Variants in ANXA4 observed in about 807,000 individuals in gnomAD.
ANXA4 encodes the protein 35-beta calcimedin.
Under a neutral mutation model 49.8 loss-of-function variants are expected in ANXA4, and 39 were observed. The ratio of observed to expected loss-of-function variants is 0.78; its 90% CI spans 0.61 to 1.02. ANXA4 has a LOEUF of 1.02. Among genes scored for constraint, ANXA4 ranks in the 50% least tolerant of loss-of-function variants. The pLI is 0.00. For missense variants in ANXA4, 360 were observed against 410.1 expected (o/e 0.88, Z 1.05); for synonymous variants, 134 against 152.5 (o/e 0.88, Z 0.89).
intron 2 of ANXA4, among the ~76,000 whole-genome samples, chr2:69,784,913 G>T (rs114709257): frequency 6.6e-6 from 1 of 152,240 alleles, no homozygotes; most frequent in East Asian, 1.9e-4. Flanking sequence ...GACACCAGTC[G>T]TATTGGATTA....
chr2:69,680,064 G>C (rs1488940217), intron 2 of ANXA4, among the ~76,000 whole-genome samples: 1 of 152,042 alleles, frequency 6.6e-6, no homozygotes, highest in Non-Finnish European at 1.5e-5. Context: ...CTTTTCATAG[G>C]AGTTGCATTG....
At chr2:69,658,249 A>T (rs1381642641) in intron 2 of ANXA4, among the ~76,000 whole-genome samples, 1 of 151,910 alleles carries the variant, frequency 6.6e-6, no homozygotes, top group African/African-American at 2.4e-5. Context: ...AATACAAAAA[A>T]ATTAGCTTGG....
intron 2 of ANXA4, among the ~76,000 whole-genome samples, chr2:69,782,418 G>T (rs1455213717): frequency 1.3e-5 from 2 of 152,096 alleles, no homozygotes; most frequent in Non-Finnish European, 2.9e-5. Flanking sequence ...ACAGTCAAAG[G>T]CTTATTCATG....
At chr2:69,802,766 G>A (rs1347353278) in intron 3 of ANXA4, among the ~76,000 whole-genome samples, 2 of 152,068 alleles carry the variant, frequency 1.3e-5, no homozygotes, top group Non-Finnish European at 2.9e-5. Context: ...CTTGACTGGG[G>A]GGAAGAGTGA....
At chr2:69,823,094 T>C (rs1234631427) in intron 12 of ANXA4, among the ~76,000 whole-genome samples, 2 of 149,354 alleles carry the variant, frequency 1.3e-5, no homozygotes, top group Non-Finnish European at 3.0e-5. Context: ...TATTATATAT[T>C]GTTATTACTA....
chr2:69,753,244 T>G (rs1489174742), intron 1 of ANXA4, among the ~76,000 whole-genome samples: 1 of 152,204 alleles, frequency 6.6e-6, no homozygotes, highest in Admixed American at 6.5e-5. Flanking sequence ...TATGAGTGCC[T>G]GCACACATAG....
chr2:69,658,324 T>A (rs991656364), intron 2 of ANXA4, among the ~76,000 whole-genome samples: 6 of 144,518 alleles, frequency 4.2e-5, no homozygotes, highest in Admixed American at 7.4e-5. Flanking sequence ...TGCTTGAGCC[T>A]GGGAGGCAGA....
At chr2:69,754,106 T>C (rs141228337) in intron 1 of ANXA4, among the ~76,000 whole-genome samples, 75 of 152,376 alleles carry the variant, frequency 4.9e-4, no homozygotes, top group African/African-American at 1.8e-3. Context: ...GAGTAATGCA[T>C]GTTTGCAGTG....
chr2:69,796,883 G>A (rs557607752), intron 3 of ANXA4, among the ~76,000 whole-genome samples: 2 of 152,280 alleles, frequency 1.3e-5, no homozygotes, highest in African/African-American at 2.4e-5. Flanking sequence ...TAAGAGAGCT[G>A]AGTCAATTGT....
chr2:69,723,378 G>C (rs930825429), intron 3 of ANXA4, among the ~76,000 whole-genome samples: 2 of 152,010 alleles, frequency 1.3e-5, no homozygotes, highest in African/African-American at 4.8e-5. Flanking sequence ...ACTCCAGAAG[G>C]CTTCAAAAAA....
At chr2:69,686,450 G>A (rs958255604) in intron 2 of ANXA4, among the ~76,000 whole-genome samples, 13 of 151,948 alleles carry the variant, frequency 8.6e-5, no homozygotes, top group African/African-American at 1.5e-4. Context: ...AATTACAGGC[G>A]TGAGCCACCG....
chr2:69,739,318 G>A (rs750404404), upstream of ANXA4, among the ~76,000 whole-genome samples: 1 of 151,866 alleles, frequency 6.6e-6, no homozygotes, highest in Non-Finnish European at 1.5e-5. Context: ...ACCTGTCCAC[G>A]TGCTTTCCAG....
At chr2:69,690,518 C>T (rs983356863) in intron 2 of ANXA4, among the ~76,000 whole-genome samples, 3 of 152,190 alleles carry the variant, frequency 2.0e-5, no homozygotes, top group African/African-American at 7.2e-5. Flanking sequence ...GGATTACAGG[C>T]ATGAGCCACT....
intron 1 of ANXA4, among the ~76,000 whole-genome samples, chr2:69,764,729 A>T (rs1671432236): frequency 6.6e-6 from 1 of 152,230 alleles, no homozygotes; most frequent in African/African-American, 2.4e-5. Context: ...ACATTCTTAA[A>T]TGTAACAGTT....
intron 1 of ANXA4, among the ~76,000 whole-genome samples, chr2:69,762,911 T>TC (rs1671356249): frequency 6.6e-6 from 1 of 152,064 alleles, no homozygotes; most frequent in Non-Finnish European, 1.5e-5. Context: ...ATACTCTTCA[T>TC]CCAGCTCCAT....
At chr2:69,755,550 G>A (rs1281381982) in intron 1 of ANXA4, among the ~76,000 whole-genome samples, 2 of 152,188 alleles carry the variant, frequency 1.3e-5, no homozygotes, top group Non-Finnish European at 2.9e-5. Flanking sequence ...GGTCAAGGCT[G>A]CAGTGAGCTG....
At chr2:69,761,157 A>C (rs1335405038) in intron 1 of ANXA4, among the ~76,000 whole-genome samples, 3 of 152,142 alleles carry the variant, frequency 2.0e-5, no homozygotes, top group African/African-American at 7.2e-5. Flanking sequence ...ACCCAAAGTA[A>C]TATCATTTCA....
chr2:69,815,209 AAATT>A (rs1673931990), intron 8 of ANXA4: 1 of 152,254 alleles, frequency 6.6e-6, no homozygotes, highest in South Asian at 2.1e-4. Flanking sequence ...GACATAAAAT[AAATT>A]GTCACAAGCC....
At chr2:69,709,986 T>C (rs933245873) in intron 2 of ANXA4, among the ~76,000 whole-genome samples, 2 of 146,694 alleles carry the variant, frequency 1.4e-5, no homozygotes, top group African/African-American at 2.5e-5. Context: ...CCAGGCTTTT[T>C]TTTTTTTTTT....
Sources: gnomAD v4.1 joint callset for allele counts (sites outside exome capture counted in the v4.1 genomes callset) on GRCh38, gnomAD v4.1.1 for gene constraint, MANE v1.5 for transcripts, NCBI Gene and HGNC (gene_info 2026-07-23, HGNC 2026-07-21) for gene names.